TMEM232: variants seen among roughly 807,000 people sequenced by gnomAD.
The protein encoded by TMEM232 is transmembrane protein 232.
In TMEM232, 80 loss-of-function variants were observed where a neutral mutation model predicts 78.8. The observed-to-expected ratio is 1.01, with a 90% CI of 0.85 to 1.22. The LOEUF (loss-of-function observed/expected upper bound fraction) is 1.22. TMEM232 is among the 50% of genes most tolerant of loss of function. TMEM232 has a pLI of 0.00. For synonymous variants in TMEM232, 297 were observed against 254.3 expected (o/e 1.17, Z -1.60); for missense variants, 881 against 742.2 (o/e 1.19, Z -2.17).
rs547386850 is a variant in TMEM232, at chr5:110,483,052, A to G, written c.1703+45536T>C. Among the ~76,000 whole-genome samples, 40 of 152,316 alleles carry G rather than the reference A, an allele frequency of 2.6e-4. 1 individual carries two copies. The East Asian group carries it at 3.9e-3, about 15-fold the overall frequency. On this transcript the variant is annotated intron_variant, in intron 12 of 13. Coordinates refer to ENST00000455884, the MANE Select transcript of TMEM232 (RefSeq NM_001039763.4). ...AAGTATAAATGTATTTTTGTTGATA[A>G]TACCTTTTTTTTCTATCTTAGTTTA...
chr5:110,511,769 A>C (rs1477752881), intron 12 of TMEM232, among the ~76,000 whole-genome samples: 2 of 152,118 alleles, frequency 1.3e-5, no homozygotes, highest in African/African-American at 4.8e-5. Context: ...CTCAAACACA[A>C]ACACATACTC....
Position 110,638,364 on chromosome 5 carries a change from T to C in TMEM232, c.344-9A>G, listed in dbSNP as rs1488755431. ...AAGCATATTTAAAGATTCTGAAATATTAAAAATATAGAAACTGCATCATTT... is the reference window on the plus strand; with the variant it reads ...AAGCATATTTAAAGATTCTGAAATACTAAAAATATAGAAACTGCATCATTT... On this transcript the variant is annotated splice_polypyrimidine_tract_variant and intron_variant, in intron 4 of 13. Transcript: ENST00000455884. The C allele has an allele frequency of 3.9e-6, 6 of 1,522,956 alleles. No homozygotes were observed. Among genetic ancestry groups the C allele is most frequent in the Non-Finnish European group, 3.5e-6 (4 of 1,136,564 alleles). The allele number at this position is 1,522,956 out of a possible 1,614,324, so 94.3% of individuals were successfully genotyped here. A position where few individuals can be genotyped will look rare whatever the true frequency, so the allele number is the denominator to read the frequency against.
At chr5:110,545,027 T>A (rs1581161213) in intron 11 of TMEM232, among the ~76,000 whole-genome samples, 1 of 152,124 alleles carries the variant, frequency 6.6e-6, no homozygotes, top group Non-Finnish European at 1.5e-5. Flanking sequence ...TGATTCCTTA[T>A]CCCTGAAGTG....
intron 12 of TMEM232, among the ~76,000 whole-genome samples, chr5:110,492,417 G>T (rs115159158): frequency 0.019 from 2,945 of 151,704 alleles, 90 homozygotes; most frequent in African/African-American, 0.068. Context: ...GTTACATAAC[G>T]AATCAAAAAT....
intron 1 of TMEM232, among the ~76,000 whole-genome samples, chr5:110,680,182 T>A (rs2150178094): frequency 6.6e-6 from 1 of 152,154 alleles, no homozygotes; most frequent in African/African-American, 2.4e-5. Flanking sequence ...GAGGATCATC[T>A]GAGGTAGGGA....
intron 1 of TMEM232, among the ~76,000 whole-genome samples, chr5:110,673,724 G>A (rs550109603): frequency 1.7e-3 from 258 of 152,254 alleles, no homozygotes; most frequent in African/African-American, 5.7e-3. Context: ...TGAAGTTTTC[G>A]TGGATGGAAG....
chr5:110,639,249 G>T (rs1210808392), intron 4 of TMEM232, among the ~76,000 whole-genome samples: 1 of 152,094 alleles, frequency 6.6e-6, no homozygotes, highest in Non-Finnish European at 1.5e-5. Context: ...TACAGAATGA[G>T]GAGCAGACAA....
chr5:110,630,335 A>G lies in TMEM232; in HGVS notation c.502-2455T>C, dbSNP rs540927732. Among the ~76,000 whole-genome samples, 471 of 152,318 alleles carry G rather than the reference A, an allele frequency of 3.1e-3. 3 individuals are homozygous for G. The highest frequency in any genetic ancestry group is 0.011 in the African/African-American group (448 of 41,580). On this transcript the variant is annotated intron_variant, in intron 5 of 13. Coordinates refer to ENST00000455884, the MANE Select transcript of TMEM232 (RefSeq NM_001039763.4). ...CAATAATCATGCCTCAGATGGAACA[A>G]CTAGGAGAGAACACTGGAGTCCAAC...
chr5:110,690,058 T>C (rs1195151698), intron 1 of TMEM232, among the ~76,000 whole-genome samples: 2 of 152,128 alleles, frequency 1.3e-5, no homozygotes, highest in East Asian at 3.8e-4. Flanking sequence ...GGCAATACCA[T>C]TCAGGACATA....
intron 12 of TMEM232, among the ~76,000 whole-genome samples, chr5:110,482,575 C>T (rs1193670840): frequency 6.8e-6 from 1 of 146,324 alleles, no homozygotes; most frequent in Non-Finnish European, 1.5e-5. Context: ...GAGTGAAACT[C>T]CATCTCAAAA....
At chr5:110,596,631 C>A (rs185480518) in intron 10 of TMEM232, among the ~76,000 whole-genome samples, 58 of 152,248 alleles carry the variant, frequency 3.8e-4, no homozygotes, top group South Asian at 1.0e-3. Flanking sequence ...TACTGGCAAA[C>A]CGAATCCAGC....
intron 12 of TMEM232, among the ~76,000 whole-genome samples, chr5:110,483,276 C>A (rs184070672): frequency 6.6e-6 from 1 of 151,960 alleles, no homozygotes; most frequent in East Asian, 1.9e-4. Context: ...TAAATTGTAA[C>A]CCCCAGGGCA....
At chr5:110,559,858 T>A (rs1199293722) in intron 11 of TMEM232, among the ~76,000 whole-genome samples, 1 of 152,180 alleles carries the variant, frequency 6.6e-6, no homozygotes, top group Non-Finnish European at 1.5e-5. Flanking sequence ...CTCTTCTAGC[T>A]TCTAGTGATG....
chr5:110,535,552 G>T (rs1323446130), intron 11 of TMEM232, among the ~76,000 whole-genome samples: 2 of 152,096 alleles, frequency 1.3e-5, no homozygotes, highest in Non-Finnish European at 2.9e-5. Context: ...CACAGTAAAT[G>T]TATACAATTT....
At chr5:110,706,690 T>A (rs1795963827) in intron 1 of TMEM232, among the ~76,000 whole-genome samples, 1 of 152,108 alleles carries the variant, frequency 6.6e-6, no homozygotes, top group African/African-American at 2.4e-5. Context: ...TCAAGGCATC[T>A]CAGCAATACT....
intron 2 of TMEM232, among the ~76,000 whole-genome samples, chr5:110,412,530 T>G (rs1254595635): frequency 6.6e-6 from 1 of 151,836 alleles, no homozygotes; most frequent in Non-Finnish European, 1.5e-5. Context: ...TCAACACCAC[T>G]GTATTAACTC....
chr5:110,661,567 C>T (rs1248701860), intron 2 of TMEM232, among the ~76,000 whole-genome samples: 1 of 152,150 alleles, frequency 6.6e-6, no homozygotes, highest in Non-Finnish European at 1.5e-5. Context: ...TCAACTGGGC[C>T]TCCCAAAATG....
chr5:110,463,051 GATTGACTCCATTTTTGA>G lies in TMEM232; in HGVS notation c.1704-38152_1704-38136del, dbSNP rs565423163. Among the ~76,000 whole-genome samples the G allele has an allele frequency of 1.6e-4, 25 of 152,252 alleles. No individual in the cohort carries two copies. The East Asian group carries it at 4.8e-3, about 29-fold the overall frequency. ...ATAAAGCTGTATCAGGGTTTGAGAG[GATTGACTCCATTTTTGA>G]AAAAAAGTTCTACCATGGGTCAAAT... On this transcript the variant is annotated intron_variant, in intron 12 of 13. Coordinates refer to ENST00000455884, the MANE Select transcript of TMEM232 (RefSeq NM_001039763.4).
At chr5:110,399,435 A>G (rs1423579146) in intron 2 of TMEM232, among the ~76,000 whole-genome samples, 1 of 152,136 alleles carries the variant, frequency 6.6e-6, no homozygotes, top group Non-Finnish European at 1.5e-5. Context: ...CAGAGAAAAT[A>G]TGCTTAATCC....
Sources: allele counts gnomAD v4.1 joint callset (sites outside exome capture counted in the v4.1 genomes callset), GRCh38; gene constraint gnomAD v4.1.1; transcripts MANE v1.5; gene names NCBI Gene and HGNC (gene_info 2026-07-23, HGNC 2026-07-21).